Variants in ANKRD31 observed in about 807,000 individuals in gnomAD.
The protein encoded by ANKRD31 is ankyrin repeat domain-containing protein 31.
A neutral mutation model predicts 186.0 loss-of-function variants in ANKRD31; 147 were observed. The ratio of observed to expected loss-of-function variants is 0.79; its 90% CI spans 0.69 to 0.91. The LOEUF is 0.91. Among genes scored for constraint, ANKRD31 ranks in the 40% least tolerant of loss-of-function variants. The probability of loss-of-function intolerance (pLI) is 0.00; values close to 1 mark genes in which losing one functional copy is unlikely to be tolerated. For missense variants in ANKRD31, 1,986 were observed against 2,148.8 expected, an observed-to-expected ratio of 0.92 and a Z score of 1.50; for synonymous variants, 673 against 736.4, an observed-to-expected ratio of 0.91 and a Z score of 1.39.
chr5:75,071,293 TTAA>T (rs1016441390), intron 25 of ANKRD31, among the ~76,000 whole-genome samples: 2 of 148,312 alleles, frequency 1.3e-5, no homozygotes, highest in African/African-American at 2.4e-5. Flanking sequence ...ATTTAATATT[TTAA>T]TAATATTTAA....
chr5:75,138,048 C>T, intron 16 of ANKRD31, 50 bp from the exon 17 acceptor site: 1 of 1,385,802 alleles, frequency 7.2e-7, no homozygotes, highest in South Asian at 1.9e-5. Flanking sequence ...CGAATCAATA[C>T]TCATGTAATA....
chr5:75,199,569 A>C lies in ANKRD31; in HGVS notation c.447+62T>G. ...AAATGAGCTTGATACTTTAATCGAC[A>C]TAATTTTTTAAAAAATCTAAACTCA... On this transcript the variant is annotated intron_variant, in intron 6 of 25. Transcript: ENST00000506364. The C allele has an allele frequency of 3.0e-6, 4 of 1,337,980 alleles. 1 individual carries two copies. In the South Asian group the frequency reaches 5.7e-5, roughly 19 times the overall value. The allele number at this position is 1,337,980 out of a possible 1,614,324, so 82.9% of individuals were successfully genotyped here.
chr5:75,116,650 A>G lies in ANKRD31; in HGVS notation c.4071T>C (p.His1357=), dbSNP rs376943018. The G allele has an allele frequency of 1.6e-4, 231 of 1,448,306 alleles. 1 individual carries two copies. In the African/African-American group the frequency reaches 2.7e-3, roughly 17 times the overall value. 89.7% of individuals were successfully genotyped at this position (1,448,306 alleles called of 1,614,324 possible). The change falls in exon 19 of 26, where the codon CAT becomes CAC. Residue 1357 remains histidine (H), a synonymous_variant. Transcript: ENST00000506364. ...TGCCATCATCACAAAAACACTGTTT[A>G]TGTCTTTTAGACCGGACAGCAGGAA... ...EKIPAVRSKR[H]KQCFCDDGKT... is the part of the protein sequence containing the mutation.
Position 75,146,959 on chromosome 5 carries a change from T to C in ANKRD31, c.2452A>G (p.Ser818Gly). ...AATTCCAAGCATTGAACTTCTTGAC[T>C]ATCTGATAAATCCAGGTTCTGGATG... Reference protein sequence around the residue: ...KHIQNLDLSDSQEVQCLELES... With the variant: ...KHIQNLDLSDGQEVQCLELES... Residue 818 changes from serine to glycine, a missense_variant, in exon 14 of 26, where the codon AGT becomes GGT. Ser to Gly is a moderately conservative substitution (Grantham distance 56). Coordinates refer to ENST00000506364, the MANE Select transcript of ANKRD31 (RefSeq NM_001372053.1). 1.5e-5 allele frequency: 23 copies of C among 1,536,392 alleles called. No individual in the cohort carries two copies. The highest frequency in any genetic ancestry group is 2.0e-5 in the Non-Finnish European group (23 of 1,146,340).
chr5:75,173,823 T>C (rs189393006), intron 10 of ANKRD31, among the ~76,000 whole-genome samples: 1 of 152,278 alleles, frequency 6.6e-6, no homozygotes, highest in Non-Finnish European at 1.5e-5. Flanking sequence ...ATTTATAGAT[T>C]GAATGCCATC....
chr5:75,085,270 G>A (rs984086104), intron 23 of ANKRD31, among the ~76,000 whole-genome samples: 3 of 152,106 alleles, frequency 2.0e-5, no homozygotes, highest in African/African-American at 4.8e-5. Context: ...AGCTCCTTGA[G>A]GACAGGTCTA....
chr5:75,138,748 A>T, intron 16 of ANKRD31, 98 bp downstream of exon 16: 1 of 1,233,086 alleles, frequency 8.1e-7, no homozygotes, highest in East Asian at 2.6e-5. Context: ...TATCACTTAC[A>T]TATCAGCCAG....
intron 23 of ANKRD31, among the ~76,000 whole-genome samples, chr5:75,088,674 T>A (rs1745692017): frequency 6.6e-6 from 1 of 152,176 alleles, no homozygotes; most frequent in Admixed American, 6.5e-5. Context: ...CAGAAAAGAA[T>A]GTACAGGGAA....
At chr5:75,215,856 A>G (rs1218375947) in intron 3 of ANKRD31, among the ~76,000 whole-genome samples, 3 of 152,086 alleles carry the variant, frequency 2.0e-5, no homozygotes, top group African/African-American at 7.2e-5. Flanking sequence ...ACCTTTTCAT[A>G]TCTCAATTTC....
Position 75,236,722 on chromosome 5 carries a change from C to G in ANKRD31, c.-36G>C, listed in dbSNP as rs1758297861. 4 of 1,485,984 alleles carry G rather than the reference C, an allele frequency of 2.7e-6. No homozygotes were observed. The highest frequency in any genetic ancestry group is 3.6e-6 in the Non-Finnish European group (4 of 1,108,570). 92.0% of individuals were successfully genotyped at this position (1,485,984 alleles called of 1,614,324 possible). ...CATTCAAAGTCTTTTTTACCCTCCT[C>G]TAACTCCCTCTTGCCCGCAAACAAA... On this transcript the variant is annotated 5_prime_UTR_variant, in exon 1 of 26. Coordinates refer to ENST00000506364, the MANE Select transcript of ANKRD31 (RefSeq NM_001372053.1).
Position 75,147,446 on chromosome 5 carries a change from T to C in ANKRD31, c.1965A>G (p.Arg655=). The change falls in exon 14 of 26, where the codon AGA becomes AGG. Residue 655 remains arginine (R), a synonymous_variant. Transcript: ENST00000506364. ...TGACTTTTACATGTTCCAGCTTCTG[T>C]CTGTTGGAATTTTCATTATAAACAT... is the stretch of plus-strand genomic sequence containing the variant. ...IWHVYNENSN[R]QKLEHVKVNK... The C allele has an allele frequency of 6.7e-7, 1 of 1,497,000 alleles. No homozygotes were observed. Among genetic ancestry groups the C allele is most frequent in the Non-Finnish European group, 8.8e-7 (1 of 1,132,942 alleles). 92.7% of individuals were successfully genotyped at this position (1,497,000 alleles called of 1,614,324 possible). A position where few individuals can be genotyped will look rare whatever the true frequency, so the allele number is the denominator to read the frequency against.
intron 11 of ANKRD31, among the ~76,000 whole-genome samples, chr5:75,165,941 T>C (rs1338110588): frequency 2.0e-5 from 3 of 152,200 alleles, no homozygotes; most frequent in Admixed American, 1.3e-4. Context: ...AATCTGAATA[T>C]AGACTGGATG....
At chr5:75,217,007 T>C (rs1278480502) in intron 3 of ANKRD31, among the ~76,000 whole-genome samples, 1 of 152,176 alleles carries the variant, frequency 6.6e-6, no homozygotes, top group East Asian at 1.9e-4. Flanking sequence ...GAGAAAGTTG[T>C]TTAATTTCTG....
intron 25 of ANKRD31, among the ~76,000 whole-genome samples, chr5:75,074,693 A>G (rs1173443685): frequency 1.3e-5 from 2 of 152,360 alleles, no homozygotes; most frequent in East Asian, 3.9e-4. Context: ...ATATGTAACA[A>G]ACATGCACAT....
chr5:75,133,132 A>G (rs192766933), intron 17 of ANKRD31, among the ~76,000 whole-genome samples: 34 of 152,344 alleles, frequency 2.2e-4, no homozygotes, highest in African/African-American at 8.2e-4. Context: ...AGCTAACACC[A>G]TAATGACAGG....
Position 75,068,482 on chromosome 5 carries a change from G to C in ANKRD31, c.*37C>G. The C allele has an allele frequency of 7.0e-7, 1 of 1,434,204 alleles. No individual in the cohort carries two copies. The highest frequency in any genetic ancestry group is 9.1e-7 in the Non-Finnish European group (1 of 1,098,228). 88.8% of individuals were successfully genotyped at this position (1,434,204 alleles called of 1,614,324 possible). A position where few individuals can be genotyped will look rare whatever the true frequency, so the allele number is the denominator to read the frequency against. ...AAATATAAATGTTTGTTGGTAATTT[G>C]AACAAATATCCAATAAAATATTAAG... On this transcript the variant is annotated 3_prime_UTR_variant, in exon 26 of 26. Coordinates refer to ENST00000506364, the MANE Select transcript of ANKRD31 (RefSeq NM_001372053.1).
At position 75,177,265 on chromosome 5, in the gene ANKRD31, C is replaced by T. The variant is rs191029993; in HGVS notation, c.1565-8144G>A. Among the ~76,000 whole-genome samples, 90 of 152,266 alleles carry T rather than the reference C, an allele frequency of 5.9e-4. 1 individual carries two copies. The highest frequency in any genetic ancestry group is 2.1e-3 in the African/African-American group (86 of 41,552). On this transcript the variant is annotated intron_variant, in intron 10 of 25. Coordinates refer to ENST00000506364, the MANE Select transcript of ANKRD31 (RefSeq NM_001372053.1). ...ACCAAATCTACGTCTAATTGCCGTA[C>T]CTGAAAGTGACAGGGAGAATGGAAC...
At chr5:75,129,855 AG>A (rs1429327045) in intron 17 of ANKRD31, among the ~76,000 whole-genome samples, 1 of 152,170 alleles carries the variant, frequency 6.6e-6, no homozygotes, top group Non-Finnish European at 1.5e-5. Context: ...AGGAAGTGCA[AG>A]GGGTTAGGGA....
chr5:75,193,866 T>C (rs1561524916), intron 7 of ANKRD31, among the ~76,000 whole-genome samples: 1 of 152,138 alleles, frequency 6.6e-6, no homozygotes, highest in East Asian at 1.9e-4. Flanking sequence ...ATGGTCACTC[T>C]AGGAGTTTTA....
Sources: allele counts gnomAD v4.1 joint callset (sites outside exome capture counted in the v4.1 genomes callset), GRCh38; gene constraint gnomAD v4.1.1; transcripts MANE v1.5; gene names NCBI Gene and HGNC (gene_info 2026-07-23, HGNC 2026-07-21).